Variants in AUTS2 observed in about 807,000 individuals in gnomAD.
AUTS2 encodes the protein activator of transcription and developmental regulator AUTS2, also known as autism susceptibility gene 2 protein.
In AUTS2, 17 loss-of-function variants were observed where a neutral mutation model predicts 112.4. That is an observed-to-expected ratio of 0.15 (90% confidence interval 0.10 to 0.23). The LOEUF (loss-of-function observed/expected upper bound fraction) is 0.23, where lower values mean the gene tolerates loss of function less well. Among genes scored for constraint, AUTS2 ranks in the 10% least tolerant of loss-of-function variants. The probability of loss-of-function intolerance (pLI) is 1.00; values close to 1 mark genes in which losing one functional copy is unlikely to be tolerated. For synonymous variants in AUTS2, 751 were observed against 702.7 expected (o/e 1.07, Z -1.09); for missense variants, 1,510 against 1,701.6 (o/e 0.89, Z 1.98).
At chr7:70,581,767 C>T (rs1411660964) in intron 5 of AUTS2, among the ~76,000 whole-genome samples, 2 of 152,182 alleles carry the variant, frequency 1.3e-5, no homozygotes, top group African/African-American at 4.8e-5. Context: ...ATAAAAGAGA[C>T]TCTGCTATCA....
At chr7:70,052,837 ACAGACATTC>A (rs1224400564) in intron 2 of AUTS2, among the ~76,000 whole-genome samples, 2 of 152,214 alleles carry the variant, frequency 1.3e-5, no homozygotes, top group African/African-American at 4.8e-5. Context: ...TGGCAGCTAT[ACAGACATTC>A]TTAGAGTCAC....
At chr7:70,180,638 A>G (rs1809247403) in intron 4 of AUTS2, among the ~76,000 whole-genome samples, 2 of 151,960 alleles carry the variant, frequency 1.3e-5, no homozygotes, top group South Asian at 2.1e-4. Context: ...TTCTCTCGCT[A>G]TTCCTTGGCT....
intron 4 of AUTS2, among the ~76,000 whole-genome samples, chr7:70,297,225 G>C (rs1046599130): frequency 2.6e-5 from 4 of 151,644 alleles, no homozygotes; most frequent in African/African-American, 9.7e-5. Context: ...AGTAGCCAGA[G>C]TATTTCTTAT....
chr7:69,619,043 T>C (rs546658455), intron 1 of AUTS2, among the ~76,000 whole-genome samples: 2 of 152,254 alleles, frequency 1.3e-5, no homozygotes, highest in African/African-American at 4.8e-5. Context: ...TTTGGAGGGT[T>C]GTGTTTGGTT....
At chr7:70,658,685 T>G (rs1025218088) in intron 5 of AUTS2, among the ~76,000 whole-genome samples, 1 of 152,196 alleles carries the variant, frequency 6.6e-6, no homozygotes, top group Non-Finnish European at 1.5e-5. Context: ...CCCAGTGTCT[T>G]GGAAACTTTC....
chr7:69,961,801 A>G (rs1797441424), intron 2 of AUTS2, among the ~76,000 whole-genome samples: 1 of 152,174 alleles, frequency 6.6e-6, no homozygotes, highest in African/African-American at 2.4e-5. Context: ...TGGTTTTAGC[A>G]TGTTTTCCTC....
At chr7:70,098,364 A>G (rs1199434143) in intron 2 of AUTS2, among the ~76,000 whole-genome samples, 2 of 152,234 alleles carry the variant, frequency 1.3e-5, no homozygotes, top group African/African-American at 2.4e-5. Flanking sequence ...TTAAAAATTT[A>G]TAAGTGCTTT....
intron 16 of AUTS2, 122 bp downstream of exon 16, chr7:70,785,141 T>G: frequency 1.1e-6 from 1 of 912,184 alleles, no homozygotes; most frequent in Non-Finnish European, 1.7e-6. Context: ...GCTTACCATT[T>G]AGGCAGGAGA....
chr7:69,849,652 CAT>C (rs1323532455), intron 1 of AUTS2, among the ~76,000 whole-genome samples: 1 of 150,898 alleles, frequency 6.6e-6, no homozygotes, highest in African/African-American at 2.5e-5. Context: ...AAATATATCA[CAT>C]AAATATGAAA....
chr7:69,919,256 G>GA (rs746155750), intron 2 of AUTS2, among the ~76,000 whole-genome samples: 1 of 152,134 alleles, frequency 6.6e-6, no homozygotes, highest in Non-Finnish European at 1.5e-5. Context: ...TGGTACTGTA[G>GA]ATACAGCGTG....
intron 5 of AUTS2, among the ~76,000 whole-genome samples, chr7:70,646,771 C>T (rs62456782): frequency 0.018 from 2,678 of 152,338 alleles, 39 homozygotes; most frequent in East Asian, 0.068. Context: ...GCTCAAGGCC[C>T]GCTCTAGTGC....
At chr7:70,321,852 T>A in intron 4 of AUTS2, among the ~76,000 whole-genome samples, 1 of 152,236 alleles carries the variant, frequency 6.6e-6, no homozygotes, top group South Asian at 2.1e-4. Context: ...CCCTATAGTT[T>A]ATGAAGCATG....
At chr7:70,653,305 A>C (rs1585445361) in intron 5 of AUTS2, among the ~76,000 whole-genome samples, 1 of 152,182 alleles carries the variant, frequency 6.6e-6, no homozygotes, top group South Asian at 2.1e-4. Context: ...CCTAACCCTC[A>C]ATATATTTCA....
chr7:70,614,207 T>C (rs79006240), intron 5 of AUTS2, among the ~76,000 whole-genome samples: 4,394 of 152,288 alleles, frequency 0.029, 77 homozygotes, highest in South Asian at 0.052. Flanking sequence ...CAGAAATTCC[T>C]CTGGGAAAGG....
intron 6 of AUTS2, among the ~76,000 whole-genome samples, chr7:70,759,754 A>T (rs1458252300): frequency 6.6e-6 from 1 of 152,166 alleles, no homozygotes; most frequent in African/African-American, 2.4e-5. Context: ...TGGCTGTGTT[A>T]TCCAAATTCT....
At chr7:70,287,566 T>A (rs982638972) in intron 4 of AUTS2, among the ~76,000 whole-genome samples, 87 of 152,324 alleles carry the variant, frequency 5.7e-4, no homozygotes, top group African/African-American at 1.9e-3. Flanking sequence ...GCTGACCACC[T>A]TCTTTTTGTC....
At chr7:69,809,861 T>C (rs1015148826) in intron 1 of AUTS2, among the ~76,000 whole-genome samples, 4 of 152,220 alleles carry the variant, frequency 2.6e-5, no homozygotes, top group Non-Finnish European at 4.4e-5. Context: ...TCATCAGCTA[T>C]TTGTTAGAAT....
intron 1 of AUTS2, among the ~76,000 whole-genome samples, chr7:69,725,148 T>G (rs990237012): frequency 1.2e-4 from 18 of 152,208 alleles, no homozygotes; most frequent in Admixed American, 1.1e-3. Context: ...TTCTCTATTA[T>G]AGTTGACTTT....
At chr7:69,616,328 C>T (rs1337729885) in intron 1 of AUTS2, among the ~76,000 whole-genome samples, 3 of 152,156 alleles carry the variant, frequency 2.0e-5, no homozygotes, top group Non-Finnish European at 4.4e-5. Flanking sequence ...AATATTTCCT[C>T]CCTTGTACAG....
Sources: gnomAD v4.1 joint callset for allele counts (sites outside exome capture counted in the v4.1 genomes callset) on GRCh38, gnomAD v4.1.1 for gene constraint, MANE v1.5 for transcripts, NCBI Gene and HGNC (gene_info 2026-07-23, HGNC 2026-07-21) for gene names.